The following DOCK6 variants were observed in gnomAD, a reference collection of about 807,000 sequenced individuals.
DOCK6 encodes the protein dedicator of cytokinesis 6.
A neutral mutation model predicts 230.3 loss-of-function variants in DOCK6; 167 were observed. The observed-to-expected ratio is 0.73, with a 90% CI of 0.64 to 0.82. The LOEUF (loss-of-function observed/expected upper bound fraction) is 0.82, where lower values mean the gene tolerates loss of function less well. Among genes scored for constraint, DOCK6 ranks in the 40% least tolerant of loss-of-function variants. DOCK6 has a pLI of 0.00. For missense variants in DOCK6, 2,598 were observed against 2,825.8 expected (o/e 0.92, Z 1.83); for synonymous variants, 1,148 against 1,185.0 (o/e 0.97, Z 0.64).
Position 11,217,378 on chromosome 19 carries a change from C to T in DOCK6, c.3564G>A (p.Gln1188=). The T allele has an allele frequency of 6.2e-7, 1 of 1,613,154 alleles. No individual in the cohort carries two copies. The highest frequency in any genetic ancestry group is 1.1e-5 in the South Asian group (1 of 90,908). ...RLHDFAEGPG[Q]RSRLASMLDS... is the part of the protein sequence containing the mutation. Reference sequence around the variant, plus strand: ...CAAGCATTGAGGCCAGTCTTGACCGCTGACCTGGGCCCTCTGGCAGGGAAA... The same window carrying T: ...CAAGCATTGAGGCCAGTCTTGACCGTTGACCTGGGCCCTCTGGCAGGGAAA... Residue 1188 remains glutamine, a synonymous_variant, in exon 29 of 48, where the codon CAG becomes CAA. Transcript: ENST00000294618.
intron 24 of DOCK6, 34 bp from the exon 25 acceptor site, chr19:11,223,140 C>A (rs759458609): frequency 4.4e-6 from 7 of 1,595,986 alleles, no homozygotes; most frequent in Non-Finnish European, 6.0e-6. Flanking sequence ...CCCACACACC[C>A]AAACCTCAGC....
At position 11,215,919 on chromosome 19, in the gene DOCK6, C is replaced by A. The variant is rs768788909; in HGVS notation, c.3903G>T (p.Lys1301Asn). ...TGAGGCTGTTGATGCGTTCAAAGGCCTTTTTCCCCTGGGGGTGCAGAGAAC... is the reference window on the plus strand; with the variant it reads ...TGAGGCTGTTGATGCGTTCAAAGGCATTTTTCCCCTGGGGGTGCAGAGAAC... ...CLAAFEYKGK[K>N]AFERINSLTF... is the part of the protein sequence containing the mutation. The change falls in exon 31 of 48, where the codon AAG (lysine) becomes AAT (asparagine). Residue 1301 changes from lysine to asparagine, a missense_variant. Coordinates refer to ENST00000294618, the MANE Select transcript of DOCK6 (RefSeq NM_020812.4). The A allele has an allele frequency of 8.1e-6, 13 of 1,612,088 alleles. No homozygotes were observed. In the East Asian group the frequency reaches 2.9e-4, roughly 36 times the overall value.
At chr19:11,203,949 T>C (rs2079213679) in intron 41 of DOCK6, 132 bp downstream of exon 41, 1 of 1,236,420 alleles carries the variant, frequency 8.1e-7, no homozygotes, top group Non-Finnish European at 1.1e-6. Context: ...GGTGGGTCCC[T>C]TGTGGCCACA....
chr19:11,201,081 C>T lies in DOCK6; in HGVS notation c.5689-29G>A, dbSNP rs1379599140. 31 of 1,610,756 alleles carry T rather than the reference C, an allele frequency of 1.9e-5. No homozygotes were observed. Among genetic ancestry groups the T allele is most frequent in the East Asian group, 1.1e-4 (5 of 44,832 alleles). ...TGGGGTAAGGGGAGGGGTGTGTACT[C>T]GCTGGGGCCTGAGGAGGTCCTGATC... On this transcript the variant is annotated intron_variant, in intron 44 of 47. Coordinates refer to ENST00000294618, the MANE Select transcript of DOCK6 (RefSeq NM_020812.4). This position sits in a 1 kb window ranked among gnomAD's most constrained non-coding sequence, Gnocchi z 4.3.
Position 11,236,996 on chromosome 19 carries a change from G to C in DOCK6, c.2074-117C>G. The C allele has an allele frequency of 1.9e-6, 2 of 1,064,872 alleles. No homozygotes were observed. Among genetic ancestry groups the C allele is most frequent in the Non-Finnish European group, 2.7e-6 (2 of 746,524 alleles). The allele number at this position is 1,064,872 out of a possible 1,614,324, so 66.0% of individuals were successfully genotyped here. On this transcript the variant is annotated intron_variant, in intron 18 of 47. Coordinates refer to ENST00000294618, the MANE Select transcript of DOCK6 (RefSeq NM_020812.4). This position sits in a 1 kb window ranked among gnomAD's most constrained non-coding sequence, Gnocchi z 5.2. ...GAGTGTAGCCCGGTCTGGGGGTGCAGCCAAGCACCCTGCCCCCAGCCCTGG... is the reference window on the plus strand; with the variant it reads ...GAGTGTAGCCCGGTCTGGGGGTGCACCCAAGCACCCTGCCCCCAGCCCTGG...
chr19:11,200,876 G>A lies in DOCK6; in HGVS notation c.5832+33C>T, dbSNP rs372625913. The A allele has an allele frequency of 3.0e-5, 49 of 1,613,672 alleles. No homozygotes were observed. Among genetic ancestry groups the A allele is most frequent in the Non-Finnish European group, 4.1e-5 (48 of 1,179,814 alleles). ...GCCTGCATGGCACCTGGAGTCCCCCGTGCGGCTTGCATCCCCCTTCCACCA... is the reference window on the plus strand; with the variant it reads ...GCCTGCATGGCACCTGGAGTCCCCCATGCGGCTTGCATCCCCCTTCCACCA... On this transcript the variant is annotated intron_variant, in intron 45 of 47. Coordinates refer to ENST00000294618, the MANE Select transcript of DOCK6 (RefSeq NM_020812.4). The surrounding 1 kb of genome is among the most constrained non-coding windows in gnomAD (Gnocchi z 4.3).
chr19:11,209,144 C>T (rs368081793), intron 37 of DOCK6, 41 bp from the exon 38 acceptor site: 1 of 1,573,044 alleles, frequency 6.4e-7, no homozygotes, highest in African/African-American at 1.4e-5. Context: ...GGGGACTCAC[C>T]TGGTCCTCCC....
chr19:11,227,611 G>A, intron 23 of DOCK6, 134 bp from the exon 24 acceptor site: 1 of 1,137,290 alleles, frequency 8.8e-7, no homozygotes. Flanking sequence ...GGCTGTGGGT[G>A]GAGGAGGCTT....
chr19:11,215,609 G>A (rs965520288), intron 31 of DOCK6, 138 bp from the exon 32 acceptor site: 16 of 1,266,036 alleles, frequency 1.3e-5, no homozygotes, highest in Non-Finnish European at 1.8e-5. Flanking sequence ...CCTGCCGGGT[G>A]GACGCACAGG....
Position 11,204,107 on chromosome 19 carries a change from A to G in DOCK6, c.5221-12T>C, listed in dbSNP as rs1600846013. 1 of 1,514,468 alleles carries G rather than the reference A, an allele frequency of 6.6e-7. No homozygotes were observed. The highest frequency in any genetic ancestry group is 1.4e-5 in the African/African-American group (1 of 70,642). 93.8% of individuals were successfully genotyped at this position (1,514,468 alleles called of 1,614,324 possible). ...TCCCAGCCGGAACTCTGTGGGGAAG[A>G]GAAGGGTCAAGGTCAGCAGATCCCT... On this transcript the variant is annotated splice_polypyrimidine_tract_variant and intron_variant, in intron 40 of 47. Transcript: ENST00000294618.
rs751730387 is a variant in DOCK6 at position 11,236,498 on chromosome 19, A to G, written c.2240T>C (p.Val747Ala). 10 of 1,603,834 alleles carry G rather than the reference A, an allele frequency of 6.2e-6. No homozygotes were observed. Among genetic ancestry groups the G allele is most frequent in the East Asian group, 4.5e-5 (2 of 44,518 alleles). The change falls in exon 20 of 48, where the codon GTG (valine) becomes GCG (alanine). Residue 747 changes from valine to alanine, a missense_variant. Transcript: ENST00000294618. This position sits in a 1 kb window ranked among gnomAD's most constrained non-coding sequence, Gnocchi z 5.2. ...CTGCTCCACGTTGCCCTCGCTCAGC[A>G]CAGTGTCCTTGAGCCGGAATGGGAA... The part of the protein sequence containing the change: ...GAFPFRLKDT[V>A]LSEGNVEQEL...
chr19:11,238,439 G>A (rs986684547), intron 14 of DOCK6, 135 bp from the exon 15 acceptor site: 7 of 751,792 alleles, frequency 9.3e-6, no homozygotes, highest in Non-Finnish European at 1.5e-5. Flanking sequence ...GGGGCATTGA[G>A]GGCCCGGTGA....
chr19:11,210,805 T>C (rs1488105267), intron 37 of DOCK6, among the ~76,000 whole-genome samples: 5 of 150,658 alleles, frequency 3.3e-5, no homozygotes, highest in African/African-American at 1.2e-4. Flanking sequence ...GTCCACCTCC[T>C]CACCTGTTCA....
chr19:11,204,280 G>A lies in DOCK6; in HGVS notation c.5140C>T (p.Leu1714=), dbSNP rs202073094. The A allele has an allele frequency of 1.2e-4, 193 of 1,607,424 alleles. 1 individual carries two copies. In the East Asian group the frequency reaches 2.2e-3, roughly 18 times the overall value. ...TTCTTGTAGTCACGGTGGGCTTCCA[G>A]GATGGGGATGAGGTTCTTGTAGACC... ...NEVYKNLIPI[L]EAHRDYKKLA... Residue 1714 remains leucine, a synonymous_variant, in exon 40 of 48, where the codon CTG becomes TTG. Transcript: ENST00000294618.
chr19:11,218,795 A>G (rs978002683), intron 28 of DOCK6, among the ~76,000 whole-genome samples: 1 of 146,234 alleles, frequency 6.8e-6, no homozygotes, highest in African/African-American at 2.6e-5. Flanking sequence ...GGTATCTCCT[A>G]TGTGCCAGAT....
At chr19:11,219,883 A>G (rs2079554626) in intron 28 of DOCK6, among the ~76,000 whole-genome samples, 1 of 152,112 alleles carries the variant, frequency 6.6e-6, no homozygotes, top group South Asian at 2.1e-4. Context: ...AAATTGAGGT[A>G]CAGTGAGGTT....
At chr19:11,233,092 T>C in intron 22 of DOCK6, 111 bp downstream of exon 22, 1 of 1,413,182 alleles carries the variant, frequency 7.1e-7, no homozygotes, top group Non-Finnish European at 9.5e-7. Context: ...GACGCCTTCA[T>C]TCACGTTGTC....
chr19:11,233,086 C>T (rs371440292), intron 22 of DOCK6, 117 bp downstream of exon 22: 12 of 1,367,562 alleles, frequency 8.8e-6, no homozygotes, highest in African/African-American at 7.2e-5. Flanking sequence ...CAGAGTGACG[C>T]CTTCATTCAC....
At chr19:11,223,153 C>G (rs141833655) in intron 24 of DOCK6, 47 bp from the exon 25 acceptor site, 1 of 1,571,744 alleles carries the variant, frequency 6.4e-7, no homozygotes, top group South Asian at 1.1e-5. Flanking sequence ...ACCTCAGCCC[C>G]GACAGGGGCT....
Sources: gnomAD v4.1 joint callset for allele counts (sites outside exome capture counted in the v4.1 genomes callset) on GRCh38, gnomAD v4.1.1 for gene constraint, Gnocchi (gnomAD v3.1) non-coding constraint, MANE v1.5 for transcripts, NCBI Gene and HGNC (gene_info 2026-07-23, HGNC 2026-07-21) for gene names.